SDCCAG8: variants seen among roughly 807,000 people sequenced by gnomAD.
SDCCAG8 encodes SHH signaling and ciliogenesis regulator SDCCAG8, also known as serologically defined colon cancer antigen 8.
A neutral mutation model predicts 101.8 loss-of-function variants in SDCCAG8; 74 were observed. The observed-to-expected ratio is 0.73, with a 90% CI of 0.60 to 0.88. The LOEUF (loss-of-function observed/expected upper bound fraction) is 0.88. Among genes scored for constraint, SDCCAG8 ranks in the 40% least tolerant of loss-of-function variants. The pLI, the probability that SDCCAG8 is intolerant of heterozygous loss-of-function variation, is 0.00. For synonymous variants in SDCCAG8, 281 were observed against 292.9 expected (o/e 0.96, Z 0.41); for missense variants, 787 against 822.6 (o/e 0.96, Z 0.53).
chr1:243,257,167 A>G (rs1479169263), intron 1 of SDCCAG8, among the ~76,000 whole-genome samples: 1 of 152,238 alleles, frequency 6.6e-6, no homozygotes, highest in Non-Finnish European at 1.5e-5. Flanking sequence ...ACCTATAGTA[A>G]GAAATAAATT....
At chr1:243,462,632 A>C (rs571966717) in intron 16 of SDCCAG8, among the ~76,000 whole-genome samples, 1 of 120,520 alleles carries the variant, frequency 8.3e-6, no homozygotes, top group Non-Finnish European at 1.8e-5. Context: ...TGAATAGTAG[A>C]ACAAATTTAC....
intron 16 of SDCCAG8, among the ~76,000 whole-genome samples, chr1:243,438,516 T>TTGTGTGTG (rs147959124): frequency 2.5e-3 from 366 of 146,510 alleles, no homozygotes; most frequent in African/African-American, 8.1e-3. Flanking sequence ...GTGGGAGTGA[T>TTGTGTGTG]TGTGTGTGTG....
At chr1:243,366,769 A>G (rs1380696116) in intron 12 of SDCCAG8, among the ~76,000 whole-genome samples, 6 of 152,196 alleles carry the variant, frequency 3.9e-5, no homozygotes, top group African/African-American at 1.2e-4. Flanking sequence ...TAGTTACAAA[A>G]GAAAGTGAAG....
intron 17 of SDCCAG8, among the ~76,000 whole-genome samples, chr1:243,496,548 G>C (rs192370541): frequency 1.3e-5 from 2 of 148,808 alleles, no homozygotes; most frequent in African/African-American, 2.6e-5. Flanking sequence ...GCGGACAGCA[G>C]GGGGGGAAGG....
At chr1:243,293,292 G>A in intron 6 of SDCCAG8, 73 bp downstream of exon 6, 1 of 1,466,330 alleles carries the variant, frequency 6.8e-7, no homozygotes, top group Non-Finnish European at 9.3e-7. Context: ...TAAAATTCTG[G>A]TAAAATATAT....
Position 243,330,588 on chromosome 1 carries a change from G to A in SDCCAG8, c.1117G>A (p.Glu373Lys), listed in dbSNP as rs1161158288. 3 of 1,614,028 alleles carry A rather than the reference G, an allele frequency of 1.9e-6. No homozygotes were observed. The highest frequency in any genetic ancestry group is 2.5e-6 in the Non-Finnish European group (3 of 1,179,990). ...QLRKELERQA[E>K]RLEKELASQQ... ...GAGGAAGGAGCTGGAGAGGCAGGCG[G>A]AGCGACTTGAAAAAGAACTTGCATC... is the stretch of plus-strand genomic sequence containing the variant. Residue 373 changes from glutamate (E) to lysine (K), a missense_variant, in exon 10 of 18, where the codon GAG becomes AAG. By Grantham distance (56) the Glu-to-Lys change is moderately conservative. Transcript: ENST00000366541.
chr1:243,329,710 T>G (rs2074449763), intron 9 of SDCCAG8, among the ~76,000 whole-genome samples: 1 of 152,220 alleles, frequency 6.6e-6, no homozygotes, highest in Non-Finnish European at 1.5e-5. Context: ...CTAAATTACA[T>G]TTGTACCCCA....
chr1:243,482,463 G>A (rs149120512), intron 16 of SDCCAG8, among the ~76,000 whole-genome samples: 2 of 152,182 alleles, frequency 1.3e-5, no homozygotes, highest in Non-Finnish European at 2.9e-5. Context: ...ATGCCCTTGC[G>A]TGGAAGGGGA....
intron 16 of SDCCAG8, among the ~76,000 whole-genome samples, chr1:243,444,385 T>C (rs1212519186): frequency 6.6e-6 from 1 of 151,972 alleles, no homozygotes; most frequent in African/African-American, 2.4e-5. Context: ...TTTGTTTTTT[T>C]TTTTGGGATG....
chr1:243,497,321 C>T (rs1232434709), intron 17 of SDCCAG8, among the ~76,000 whole-genome samples: 11 of 35,408 alleles, frequency 3.1e-4, no homozygotes, highest in Admixed American at 1.9e-3. Flanking sequence ...GGGTCAGGCA[C>T]GGCTGTAGGC....
chr1:243,387,837 TC>T (rs1459317929), intron 13 of SDCCAG8, among the ~76,000 whole-genome samples: 3 of 152,166 alleles, frequency 2.0e-5, no homozygotes, highest in African/African-American at 7.2e-5. Flanking sequence ...TGTCTCACCC[TC>T]CCAAGTAGCT....
At chr1:243,476,017 G>C (rs1307757323) in intron 16 of SDCCAG8, 2 of 985,330 alleles carry the variant, frequency 2.0e-6, no homozygotes, top group Non-Finnish European at 2.4e-6. Context: ...TAATCACTCT[G>C]ATCTGTCATG....
chr1:243,463,292 T>C (rs535503140), intron 16 of SDCCAG8, among the ~76,000 whole-genome samples: 2 of 152,364 alleles, frequency 1.3e-5, no homozygotes, highest in South Asian at 4.1e-4. Flanking sequence ...AGGAGCTCTG[T>C]AGAGTGGCAA....
chr1:243,384,460 A>T (rs925877389), intron 13 of SDCCAG8, among the ~76,000 whole-genome samples: 3 of 152,194 alleles, frequency 2.0e-5, no homozygotes, highest in Admixed American at 1.3e-4. Context: ...TCACTTTTTT[A>T]AATTTTTAAC....
At chr1:243,450,076 C>A (rs2083240086) in intron 16 of SDCCAG8, among the ~76,000 whole-genome samples, 1 of 152,176 alleles carries the variant, frequency 6.6e-6, no homozygotes, top group South Asian at 2.1e-4. Flanking sequence ...GTTAGTCAGA[C>A]CTTGTTCCTA....
chr1:243,333,859 G>A (rs1292677555), intron 10 of SDCCAG8, among the ~76,000 whole-genome samples: 1 of 152,200 alleles, frequency 6.6e-6, no homozygotes, highest in Non-Finnish European at 1.5e-5. Flanking sequence ...AGGTTCTGGA[G>A]TTTAGCAGGG....
intron 16 of SDCCAG8, among the ~76,000 whole-genome samples, chr1:243,450,532 T>C (rs57753663): frequency 0.2 from 30,185 of 152,224 alleles, 3,341 homozygotes; most frequent in African/African-American, 0.3. Flanking sequence ...CAGGGATTCT[T>C]GTCTCGTGGG....
intron 12 of SDCCAG8, among the ~76,000 whole-genome samples, chr1:243,360,189 A>G (rs1406320705): frequency 2.1e-4 from 28 of 132,834 alleles, no homozygotes; most frequent in Non-Finnish European, 4.3e-4. Context: ...TCTGTCACCT[A>G]GGCTGGAGTG....
intron 3 of SDCCAG8, among the ~76,000 whole-genome samples, chr1:243,273,506 C>A (rs2068265910): frequency 6.6e-6 from 1 of 152,166 alleles, no homozygotes; most frequent in African/African-American, 2.4e-5. Flanking sequence ...CGTTGGACCC[C>A]TCAATGCAGT....
Sources: allele counts gnomAD v4.1 joint callset (sites outside exome capture counted in the v4.1 genomes callset), GRCh38; gene constraint gnomAD v4.1.1; transcripts MANE v1.5; gene names NCBI Gene and HGNC (gene_info 2026-07-23, HGNC 2026-07-21).